ATP5PF: variants seen among roughly 807,000 people sequenced by gnomAD.
ATP5PF encodes ATP synthase peripheral stalk subunit F6.
In ATP5PF, 7 loss-of-function variants were observed where a neutral mutation model predicts 12.0. The observed-to-expected ratio is 0.58, with a 90% CI of 0.33 to 1.10. The LOEUF is 1.10. Among genes scored for constraint, ATP5PF ranks in the 50% least tolerant of loss-of-function variants. ATP5PF has a pLI of 0.03. For synonymous variants in ATP5PF, 41 were observed against 45.4 expected, an observed-to-expected ratio of 0.90 and a Z score of 0.39; for missense variants, 120 against 127.7, an observed-to-expected ratio of 0.94 and a Z score of 0.29.
At chr21:25,732,438 G>A (rs1209308394) in intron 1 of ATP5PF, among the ~76,000 whole-genome samples, 2 of 151,846 alleles carry the variant, frequency 1.3e-5, no homozygotes, top group Non-Finnish European at 2.9e-5. Context: ...CTTAAGCCCA[G>A]GAATTCAAGA....
At chr21:25,735,049 A>T, upstream of ATP5PF, 1 of 1,315,236 alleles carries the variant, frequency 7.6e-7, no homozygotes, top group Non-Finnish European at 1.1e-6. Context: ...GACAGAAGCC[A>T]AACAGGAGGA....
intron 2 of ATP5PF, among the ~76,000 whole-genome samples, chr21:25,727,310 T>TGTAA (rs1568928767): frequency 2.0e-5 from 3 of 152,214 alleles, no homozygotes; most frequent in South Asian, 2.1e-4. Context: ...CTCAACTGAA[T>TGTAA]GTAAGTCTTG....
intron 1 of ATP5PF, among the ~76,000 whole-genome samples, chr21:25,732,650 A>G (rs1403992826): frequency 1.3e-5 from 2 of 151,606 alleles, no homozygotes; most frequent in East Asian, 3.9e-4. Flanking sequence ...TGTCTCAAAA[A>G]AAAAAAAAAA....
chr21:25,727,296 C>A (rs571847395), intron 2 of ATP5PF, among the ~76,000 whole-genome samples: 11 of 152,270 alleles, frequency 7.2e-5, no homozygotes, highest in Admixed American at 7.2e-4. Context: ...AAATCATCTA[C>A]CTCCTCAACT....
At chr21:25,729,347 T>C (rs1486395624) in intron 2 of ATP5PF, among the ~76,000 whole-genome samples, 1 of 152,244 alleles carries the variant, frequency 6.6e-6, no homozygotes, top group Non-Finnish European at 1.5e-5. Context: ...TGTATTTCTA[T>C]AAATTGATGT....
upstream of ATP5PF, chr21:25,734,920 T>C (rs372344211): frequency 4.6e-4 from 728 of 1,569,700 alleles, 1 homozygote; most frequent in Non-Finnish European, 5.7e-4. Flanking sequence ...CGGCCCTGGC[T>C]CCGCCCCCAC....
At chr21:25,730,738 A>AC (rs1568930335) in intron 1 of ATP5PF, among the ~76,000 whole-genome samples, 10 of 47,766 alleles carry the variant, frequency 2.1e-4, no homozygotes, top group African/African-American at 2.9e-4. Flanking sequence ...CCGTCTCACA[A>AC]AAAAAAAAAA....
At chr21:25,726,466 G>A (rs574203456) in intron 2 of ATP5PF, among the ~76,000 whole-genome samples, 1 of 152,302 alleles carries the variant, frequency 6.6e-6, no homozygotes, top group African/African-American at 2.4e-5. Flanking sequence ...TCAGGCATCT[G>A]GGGCCAGGGT....
chr21:25,730,292 G>A (rs1276825787), intron 1 of ATP5PF, among the ~76,000 whole-genome samples: 5 of 152,182 alleles, frequency 3.3e-5, no homozygotes, highest in African/African-American at 1.2e-4. Flanking sequence ...TAAGAATACT[G>A]TAACAACTAA....
Position 25,734,843 on chromosome 21 carries a change from T to G in ATP5PF, c.-8+10A>C, listed in dbSNP as rs1200435205. The G allele has an allele frequency of 3.3e-6, 5 of 1,536,070 alleles. No individual in the cohort carries two copies. The highest frequency in any genetic ancestry group is 4.4e-6 in the Non-Finnish European group (5 of 1,144,410). On this transcript the variant is annotated intron_variant, in intron 1 of 3. Transcript: ENST00000284971. ...AAAGGCCACGCTGATCTAGCTACCC[T>G]CCCAGTCACCTTGCACTCAGTCCCG...
At chr21:25,730,532 G>C (rs1422293090) in intron 1 of ATP5PF, among the ~76,000 whole-genome samples, 1 of 151,912 alleles carries the variant, frequency 6.6e-6, no homozygotes, top group Non-Finnish European at 1.5e-5. Flanking sequence ...TTGGGAATTT[G>C]AGACCAGCCT....
intron 2 of ATP5PF, 118 bp downstream of exon 2, chr21:25,729,513 T>C (rs1302465449): frequency 1.3e-5 from 12 of 920,146 alleles, no homozygotes; most frequent in Non-Finnish European, 1.9e-5. Context: ...AACCTCTATG[T>C]CAGAGATGAG....
At chr21:25,725,464 G>A (rs1253795461) in intron 2 of ATP5PF, 114 bp from the exon 3 acceptor site, 29 of 1,247,562 alleles carry the variant, frequency 2.3e-5, no homozygotes, top group African/African-American at 3.1e-5. Context: ...TTTTTGAGAC[G>A]GAGTCTTGCT....
chr21:25,727,014 GCT>G (rs1411837588), intron 2 of ATP5PF, among the ~76,000 whole-genome samples: 4 of 152,120 alleles, frequency 2.6e-5, no homozygotes, highest in East Asian at 1.9e-4. Flanking sequence ...TGTTAGAAAC[GCT>G]CTCTGTCTGT....
intron 3 of ATP5PF, 28 bp from the exon 4 acceptor site, chr21:25,724,705 G>T: frequency 6.3e-7 from 1 of 1,586,842 alleles, no homozygotes; most frequent in South Asian, 1.2e-5. Context: ...AAAGGGTCAA[G>T]CTTAGCCAAA....
intron 2 of ATP5PF, 89 bp from the exon 3 acceptor site, chr21:25,725,439 T>G: frequency 2.7e-6 from 1 of 373,280 alleles, no homozygotes; most frequent in Non-Finnish European, 3.9e-6. Context: ...CCAACAGATC[T>G]TTTTTTTTTT....
rs573531529 is a variant in ATP5PF, at chr21:25,725,320, T to A, written c.195A>T (p.Ser65=). 2.5e-6 allele frequency: 4 copies of A among 1,611,326 alleles called. No individual in the cohort carries two copies. The South Asian group carries it at 4.4e-5, about 18-fold the overall frequency. ...QTSGGPVDAS[S]EYQQELEREL... ...CCCTCTCCAGCTCTTGCTGATACTC[T>A]GAACTAGCATCAACAGGTCCTCCAG... The change falls in exon 3 of 4, where the codon TCA becomes TCT. Residue 65 remains serine (S), a synonymous_variant. Transcript: ENST00000284971.
Position 25,724,579 on chromosome 21 carries a change from C to A in ATP5PF, c.*61G>T. On this transcript the variant is annotated 3_prime_UTR_variant, in exon 4 of 4. Coordinates refer to ENST00000284971, the MANE Select transcript of ATP5PF (RefSeq NM_001003703.2). The stretch of plus-strand genomic sequence containing the variant: ...TATGAAATGCATGTTTATTCTGAAA[C>A]TTCTAACTAGTTGTACAACTAATCC... The A allele has an allele frequency of 1.9e-6, 3 of 1,544,058 alleles. No individual in the cohort carries two copies. The South Asian group carries it at 3.5e-5, about 18-fold the overall frequency.
At chr21:25,727,380 G>A (rs2034645600) in intron 2 of ATP5PF, among the ~76,000 whole-genome samples, 3 of 152,218 alleles carry the variant, frequency 2.0e-5, no homozygotes, top group Admixed American at 2.0e-4. Context: ...GGACAAAGCA[G>A]TCACTCAGAA....
Sources: gnomAD v4.1 joint callset for allele counts (sites outside exome capture counted in the v4.1 genomes callset) on GRCh38, gnomAD v4.1.1 for gene constraint, MANE v1.5 for transcripts, NCBI Gene and HGNC (gene_info 2026-07-23, HGNC 2026-07-21) for gene names.